The following AGRN variants were observed in gnomAD, a reference collection of about 807,000 sequenced individuals.
AGRN encodes the protein agrin proteoglycan.
Under a neutral mutation model 211.0 loss-of-function variants are expected in AGRN, and 106 were observed. The ratio of observed to expected loss-of-function variants is 0.50; its 90% CI spans 0.43 to 0.59. The LOEUF is 0.59. Ranked by LOEUF, AGRN falls within the 20% of genes least tolerant of loss-of-function variation. The pLI is 0.00. For synonymous variants in AGRN, 1,525 were observed against 1,332.5 expected, an observed-to-expected ratio of 1.14 and a Z score of -3.15; for missense variants, 3,040 against 2,982.6, an observed-to-expected ratio of 1.02 and a Z score of -0.45.
At chr1:1,047,211 T>A (rs549755608) in intron 19 of AGRN, 116 bp from the exon 20 acceptor site, 5 of 1,489,754 alleles carry the variant, frequency 3.4e-6, no homozygotes, top group Non-Finnish European at 3.6e-6. Flanking sequence ...CTCATGACCA[T>A]CTGACTAACA....
At chr1:1,026,616 G>A (rs1189724075) in intron 2 of AGRN, among the ~76,000 whole-genome samples, 1 of 152,120 alleles carries the variant, frequency 6.6e-6, no homozygotes. Flanking sequence ...GGCCTGGGTG[G>A]GGCAGGAACG....
rs576196125 is a variant in AGRN, at chr1:1,046,816, C to T, written c.3251-4C>T. ...GAGCCTGGGCTCAGAGCGCGTCTCC[C>T]CAGGGCTCGAGCCCTTGGAGGGCAG... On this transcript the variant is annotated splice_region_variant and splice_polypyrimidine_tract_variant and intron_variant, in intron 18 of 35. Transcript: ENST00000379370. The T allele has an allele frequency of 6.3e-7, 1 of 1,579,942 alleles. No individual in the cohort carries two copies. The highest frequency in any genetic ancestry group is 1.3e-5 in the African/African-American group (1 of 74,844).
chr1:1,041,437 C>A (rs761454992), intron 5 of AGRN, 40 bp downstream of exon 5: 421 of 1,552,990 alleles, frequency 2.7e-4, no homozygotes, highest in Non-Finnish European at 3.3e-4. Flanking sequence ...GCTCTGTGGG[C>A]GCGCGGCGAC....
Position 1,031,872 on chromosome 1 carries a change from C to G in AGRN, c.464-3405C>G, listed in dbSNP as rs1644684021. Among the ~76,000 whole-genome samples, 2 of 152,226 alleles carry G rather than the reference C, an allele frequency of 1.3e-5. No individual in the cohort carries two copies. The highest frequency in any genetic ancestry group is 4.1e-4 in the South Asian group (2 of 4,834). ...TAGCACGGCCTGGGTTTGACCCTGG[C>G]ACTGCCCCTGGGACTCAGAGCTGGG... On this transcript the variant is annotated intron_variant, in intron 2 of 35. Transcript: ENST00000379370. This position sits in a 1 kb window ranked among gnomAD's most constrained non-coding sequence, Gnocchi z 4.8.
Position 1,054,998 on chromosome 1 carries a change from C to A in AGRN, c.*17C>A. 6.5e-7 allele frequency: 1 copy of A among 1,547,718 alleles called. No individual in the cohort carries two copies. The highest frequency in any genetic ancestry group is 8.7e-7 in the Non-Finnish European group (1 of 1,146,786). On this transcript the variant is annotated 3_prime_UTR_variant, in exon 36 of 36. Coordinates refer to ENST00000379370, the MANE Select transcript of AGRN (RefSeq NM_198576.4). ...ACCCCATGAGCTGGCACCAGAGCCC[C>A]GCGCCCGCTGTAATTATTTTCTATT...
rs1030893077 is a variant in AGRN, at chr1:1,044,458, G to C, written c.2254+19G>C. Reference sequence around the variant, plus strand: ...TGCCGAGGTGAGCCGGCTGCACGTGGGGTCTCAGGCACAGGCGGGGCGGCG... The same window carrying C: ...TGCCGAGGTGAGCCGGCTGCACGTGCGGTCTCAGGCACAGGCGGGGCGGCG... On this transcript the variant is annotated intron_variant, in intron 12 of 35. Transcript: ENST00000379370. The C allele has an allele frequency of 6.3e-7, 1 of 1,595,840 alleles. No individual in the cohort carries two copies. Among genetic ancestry groups the C allele is most frequent in the Admixed American group, 1.7e-5 (1 of 57,320 alleles).
intron 33 of AGRN, chr1:1,052,167 C>T: frequency 9.8e-7 from 1 of 1,024,364 alleles, no homozygotes; most frequent in Non-Finnish European, 1.3e-6. Context: ...AGGCCGTTTC[C>T]TGCCTCAGAA....
Position 1,041,737 on chromosome 1 carries a change from T to C in AGRN, c.1177+35T>C, listed in dbSNP as rs1051383916. 16 of 1,540,286 alleles carry C rather than the reference T, an allele frequency of 1.0e-5. No homozygotes were observed. The African/African-American group carries it at 2.2e-4, about 21-fold the overall frequency. ...TCCCCCGGGGGAGGGCTCCGGCCAGTGCCAGGGTCGAGGTGGGCGGCTCCC... is the reference window on the plus strand; with the variant it reads ...TCCCCCGGGGGAGGGCTCCGGCCAGCGCCAGGGTCGAGGTGGGCGGCTCCC... On this transcript the variant is annotated intron_variant, in intron 6 of 35. Transcript: ENST00000379370.
chr1:1,043,240 C>G lies in AGRN; in HGVS notation c.1386C>G (p.Asp462Glu). 1 of 1,601,544 alleles carries G rather than the reference C, an allele frequency of 6.2e-7. No homozygotes were observed. Among genetic ancestry groups the G allele is most frequent in the Non-Finnish European group, 8.5e-7 (1 of 1,175,670 alleles). ...AIPSKHQGPCDQAPSPCLGVQ... is the reference protein window; with the variant it reads ...AIPSKHQGPCEQAPSPCLGVQ... ...ACTGAGCCCCTGTGTCCTTCCCAGACCAGGCCCCGTCCCCATGCCTCGGGG... is the reference window on the plus strand; with the variant it reads ...ACTGAGCCCCTGTGTCCTTCCCAGAGCAGGCCCCGTCCCCATGCCTCGGGG... Residue 462 changes from aspartate (D) to glutamate (E), a missense_variant and splice_region_variant, in exon 8 of 36, where the codon GAC (aspartate) becomes GAG (glutamate). This residue lies in a region of AGRN where 1,498 missense variants were observed against 1,457.8 expected (regional missense o/e 1.03). Transcript: ENST00000379370.
chr1:1,049,176 AGGTAGGCGGGGTGGGGACGG>A, intron 24 of AGRN, 40 bp from the exon 25 acceptor site: 1 of 747,534 alleles, frequency 1.3e-6, no homozygotes. Context: ...GGGGCAGCTC[AGGTAGGCGGGGTGGGGACGG>A]GGCCGGGCGA....
chr1:1,048,542 A>G lies in AGRN; in HGVS notation c.4105+177A>G, dbSNP rs1570235335. 2.2e-5 allele frequency: 14 copies of G among 623,126 alleles called. 2 individuals are homozygous for G. The East Asian group carries it at 4.0e-4, about 18-fold the overall frequency. 38.6% of individuals were successfully genotyped at this position (623,126 alleles called of 1,614,324 possible). ...TCCCAGCACTTTGGGAGGCCGAGGC[A>G]GGCGGATCACCTGAGGTCGGGAGTT... On this transcript the variant is annotated intron_variant, in intron 23 of 35. Transcript: ENST00000379370. This position sits in a 1 kb window ranked among gnomAD's most constrained non-coding sequence, Gnocchi z 5.9.
rs138248828 is a variant in AGRN, at chr1:1,045,523, C to G, written c.2536C>G (p.Pro846Ala). Reference protein sequence around the residue: ...IVTDGRSGCTPCSCDPQGAVR... With the variant: ...IVTDGRSGCTACSCDPQGAVR... Reference sequence around the variant, plus strand: ...CACCGATGGCCGGAGTGGCTGTACACGTGAGTGACAGGGCCCAGGACTGGC... The same window carrying G: ...CACCGATGGCCGGAGTGGCTGTACAGGTGAGTGACAGGGCCCAGGACTGGC... The change falls in exon 14 of 36, where the codon CCC (proline) becomes GCC (alanine). Residue 846 changes from proline (P) to alanine (A), a missense_variant and splice_region_variant. Around this residue, in one of 3 missense-constraint regions of AGRN, gnomAD observed 1,498 missense variants for 1,457.8 expected, o/e 1.03. Transcript: ENST00000379370. 1.2e-6 allele frequency: 2 copies of G among 1,612,576 alleles called. No individual in the cohort carries two copies. The highest frequency in any genetic ancestry group is 1.3e-5 in the African/African-American group (1 of 74,934).
chr1:1,035,585 A>C (rs1171391441), intron 3 of AGRN, among the ~76,000 whole-genome samples: 1 of 152,240 alleles, frequency 6.6e-6, no homozygotes, highest in Non-Finnish European at 1.5e-5. Flanking sequence ...AACTGGGAAC[A>C]AGTCCTGGGA....
rs1423533978 is a variant in AGRN at position 1,046,836 on chromosome 1, G to A, written c.3267G>A (p.Glu1089=). The A allele has an allele frequency of 4.4e-6, 7 of 1,585,640 alleles. No individual in the cohort carries two copies. Among genetic ancestry groups the A allele is most frequent in the Non-Finnish European group, 5.1e-6 (6 of 1,169,054 alleles). ...GGGSGGLEPL[E]GSSVATPGPP... Reference sequence around the variant, plus strand: ...TCTCCCCAGGGCTCGAGCCCTTGGAGGGCAGCAGCGTGGCCACCCCTGGGC... The same window carrying A: ...TCTCCCCAGGGCTCGAGCCCTTGGAAGGCAGCAGCGTGGCCACCCCTGGGC... The change falls in exon 19 of 36, where the codon GAG becomes GAA. Residue 1089 remains glutamate (E), a synonymous_variant. Coordinates refer to ENST00000379370, the MANE Select transcript of AGRN (RefSeq NM_198576.4).
At position 1,055,164 on chromosome 1, in the gene AGRN, G is replaced by C. The variant is rs1292002906; in HGVS notation, c.*183G>C. On this transcript the variant is annotated 3_prime_UTR_variant, in exon 36 of 36. Transcript: ENST00000379370. Reference sequence around the variant, plus strand: ...AGGGATGGACAGGCGAGGTGGCAGCGTGGAGGGCTCGGCGTGGATGGCAGC... The same window carrying C: ...AGGGATGGACAGGCGAGGTGGCAGCCTGGAGGGCTCGGCGTGGATGGCAGC... 2.0e-6 allele frequency: 2 copies of C among 995,004 alleles called. No homozygotes were observed. Among genetic ancestry groups the C allele is most frequent in the Admixed American group, 2.1e-5 (1 of 47,686 alleles). 61.6% of individuals were successfully genotyped at this position (995,004 alleles called of 1,614,324 possible).
Position 1,052,433 on chromosome 1 carries a change from T to C in AGRN, c.5651+618T>C, listed in dbSNP as rs1040820193. The C allele has an allele frequency of 2.3e-5, 7 of 301,774 alleles. No individual in the cohort carries two copies. The Admixed American group carries it at 2.9e-4, about 12-fold the overall frequency. 18.7% of individuals were successfully genotyped at this position (301,774 alleles called of 1,614,324 possible). A position where few individuals can be genotyped will look rare whatever the true frequency, so the allele number is the denominator to read the frequency against. ...TATATGTGGGGGGGACATGTAGATA[T>C]GCGTGTGTGACTATGCGGCCGTGTG... On this transcript the variant is annotated intron_variant, in intron 33 of 35. Coordinates refer to ENST00000379370, the MANE Select transcript of AGRN (RefSeq NM_198576.4).
At chr1:1,034,339 C>T in intron 2 of AGRN, 1 of 985,520 alleles carries the variant, frequency 1.0e-6, no homozygotes. Context: ...GATTTCTACT[C>T]CGGGAGAATT....
chr1:1,036,983 A>G (rs920947240), intron 3 of AGRN, among the ~76,000 whole-genome samples: 5 of 152,148 alleles, frequency 3.3e-5, no homozygotes, highest in Admixed American at 2.6e-4. Context: ...GAGAGCAGGT[A>G]GGTGAGCAGC....
chr1:1,042,165 G>A lies in AGRN; in HGVS notation c.1384+3G>A, dbSNP rs1644962420. ...CAGCAAGCACCAGGGCCCGTGTGGTGAGCGCCCCGGGGTGGAGGCCAGGCG... is the reference window on the plus strand; with the variant it reads ...CAGCAAGCACCAGGGCCCGTGTGGTAAGCGCCCCGGGGTGGAGGCCAGGCG... On this transcript the variant is annotated splice_donor_region_variant and intron_variant, in intron 7 of 35. Coordinates refer to ENST00000379370, the MANE Select transcript of AGRN (RefSeq NM_198576.4). The A allele has an allele frequency of 1.9e-6, 3 of 1,592,010 alleles. No homozygotes were observed. Among genetic ancestry groups the A allele is most frequent in the Non-Finnish European group, 1.7e-6 (2 of 1,173,668 alleles).
Sources: allele counts gnomAD v4.1 joint callset (sites outside exome capture counted in the v4.1 genomes callset), GRCh38; gene constraint gnomAD v4.1.1; regional missense constraint gnomAD v4.1.1; non-coding constraint Gnocchi (gnomAD v3.1); transcripts MANE v1.5; gene names NCBI Gene and HGNC (gene_info 2026-07-23, HGNC 2026-07-21).